Variants in PTPRD observed in about 807,000 individuals in gnomAD.
PTPRD encodes receptor-type tyrosine-protein phosphatase delta.
PTPRD carries 34 observed loss-of-function variants against 214.5 expected under a neutral mutation model. The observed-to-expected ratio is 0.16, with a 90% confidence interval of 0.12 to 0.21. PTPRD has a LOEUF of 0.21. PTPRD is among the 10% of genes least tolerant of loss of function. The pLI is 1.00. For missense variants in PTPRD, 2,545 were observed against 2,398.7 expected, an observed-to-expected ratio of 1.06 and a Z score of -1.27; for synonymous variants, 1,128 against 845.7, an observed-to-expected ratio of 1.33 and a Z score of -5.79.
intron 2 of PTPRD, among the ~76,000 whole-genome samples, chr9:10,466,932 G>C (rs2098998566): frequency 6.6e-6 from 1 of 152,142 alleles, no homozygotes; most frequent in African/African-American, 2.4e-5. Context: ...GAGAGATGTA[G>C]ATGCTGAATG....
At chr9:9,662,054 C>G (rs1387011569) in intron 7 of PTPRD, among the ~76,000 whole-genome samples, 4 of 151,518 alleles carry the variant, frequency 2.6e-5, no homozygotes, top group African/African-American at 9.7e-5. Flanking sequence ...TATATCAATG[C>G]CAAGTTTTAT....
intron 11 of PTPRD, among the ~76,000 whole-genome samples, chr9:8,943,062 T>C (rs2099043176): frequency 6.6e-6 from 1 of 151,980 alleles, no homozygotes; most frequent in Non-Finnish European, 1.5e-5. Flanking sequence ...ATAAAATATG[T>C]AGGAATTAAC....
At chr9:10,426,963 C>A (rs2098627307) in intron 2 of PTPRD, among the ~76,000 whole-genome samples, 1 of 151,830 alleles carries the variant, frequency 6.6e-6, no homozygotes, top group African/African-American at 2.4e-5. Context: ...CAAAGAGGCC[C>A]AATGTATCAA....
At chr9:8,599,645 C>T (rs7850312) in intron 14 of PTPRD, among the ~76,000 whole-genome samples, 16,326 of 65,420 alleles carry the variant, frequency 0.25, 1,843 homozygotes, top group East Asian at 0.44. Context: ...TTTTTTGAAA[C>T]GGAGTTTCAC....
At chr9:9,189,783 G>C (rs1209573108) in intron 9 of PTPRD, among the ~76,000 whole-genome samples, 1 of 151,970 alleles carries the variant, frequency 6.6e-6, no homozygotes, top group African/African-American at 2.4e-5. Context: ...TATGCACTCA[G>C]GTGGATGTGA....
At chr9:8,659,229 T>C (rs571563451) in intron 12 of PTPRD, among the ~76,000 whole-genome samples, 1 of 152,296 alleles carries the variant, frequency 6.6e-6, no homozygotes, top group African/African-American at 2.4e-5. Flanking sequence ...ATTTTTAAAA[T>C]GAATTTCTTC....
chr9:10,229,051 G>A (rs906287450), intron 3 of PTPRD, among the ~76,000 whole-genome samples: 5 of 151,866 alleles, frequency 3.3e-5, no homozygotes, highest in Admixed American at 2.0e-4. Flanking sequence ...CCAGTTGTAA[G>A]CAATGACTGT....
At chr9:8,646,531 C>T (rs1008511500) in intron 12 of PTPRD, among the ~76,000 whole-genome samples, 4 of 151,992 alleles carry the variant, frequency 2.6e-5, no homozygotes, top group Non-Finnish European at 5.9e-5. Context: ...ACAGGCTGTT[C>T]CCTCATGTAA....
At chr9:9,593,557 C>T (rs1409676167) in intron 7 of PTPRD, among the ~76,000 whole-genome samples, 2 of 151,782 alleles carry the variant, frequency 1.3e-5, no homozygotes, top group Non-Finnish European at 2.9e-5. Context: ...GAGGGAGTCA[C>T]CCCAGATTAC....
At chr9:9,404,939 C>G (rs1273687133) in intron 8 of PTPRD, among the ~76,000 whole-genome samples, 1 of 151,988 alleles carries the variant, frequency 6.6e-6, no homozygotes, top group East Asian at 1.9e-4. Flanking sequence ...TGCTTTCTGC[C>G]CCAGTGAACA....
rs549395121 is a variant in PTPRD at position 9,891,398 on chromosome 9, A to G, written c.-368+47109T>C. On this transcript the variant is annotated intron_variant, in intron 5 of 45. Transcript: ENST00000381196. ...ACTTTTTTTTTTTTTTTAGCACAGAAGTATCATTCTGCGAAAGCTGTGAGC... is the reference window on the plus strand; with the variant it reads ...ACTTTTTTTTTTTTTTTAGCACAGAGGTATCATTCTGCGAAAGCTGTGAGC... Among the ~76,000 whole-genome samples, 17 of 151,776 alleles carry G rather than the reference A, an allele frequency of 1.1e-4. No homozygotes were observed. In the South Asian group the frequency reaches 3.3e-3, roughly 30 times the overall value.
At chr9:9,623,013 G>A (rs2095300064) in intron 7 of PTPRD, among the ~76,000 whole-genome samples, 1 of 152,186 alleles carries the variant, frequency 6.6e-6, no homozygotes, top group African/African-American at 2.4e-5. Context: ...TGTGGTAATA[G>A]AAAATGTTAG....
chr9:9,460,667 A>G (rs2145865557), intron 8 of PTPRD, among the ~76,000 whole-genome samples: 1 of 152,228 alleles, frequency 6.6e-6, no homozygotes, highest in East Asian at 1.9e-4. Context: ...TAAAAAGTAA[A>G]AAATAGCATG....
intron 9 of PTPRD, among the ~76,000 whole-genome samples, chr9:9,364,967 T>C (rs1419564580): frequency 6.6e-6 from 1 of 151,472 alleles, no homozygotes; most frequent in East Asian, 2.0e-4. Flanking sequence ...GGTTAAGTTC[T>C]AGGTACATTG....
intron 9 of PTPRD, among the ~76,000 whole-genome samples, chr9:9,284,255 TAGCACCAC>T (rs1948681353): frequency 6.6e-6 from 1 of 151,700 alleles, no homozygotes; most frequent in African/African-American, 2.4e-5. Context: ...AGCTTAGCCA[TAGCACCAC>T]AGTCAAGGTA....
chr9:9,130,839 G>T (rs536954996), intron 10 of PTPRD, among the ~76,000 whole-genome samples: 1 of 152,188 alleles, frequency 6.6e-6, no homozygotes, highest in East Asian at 1.9e-4. Context: ...TTTTAGGATG[G>T]TTAGCATCGT....
At chr9:9,858,033 C>G (rs2061901272) in intron 5 of PTPRD, among the ~76,000 whole-genome samples, 2 of 152,186 alleles carry the variant, frequency 1.3e-5, no homozygotes, top group African/African-American at 4.8e-5. Flanking sequence ...AAAAGATTCA[C>G]TCCTTAACAC....
intron 3 of PTPRD, among the ~76,000 whole-genome samples, chr9:10,207,363 G>A (rs1036370893): frequency 3.3e-5 from 5 of 152,126 alleles, no homozygotes; most frequent in Non-Finnish European, 7.4e-5. Flanking sequence ...GTTCATGAGA[G>A]ACATTGGTCT....
intron 29 of PTPRD, 143 bp downstream of exon 29, chr9:8,485,084 C>A: frequency 1.5e-6 from 1 of 651,476 alleles, no homozygotes; most frequent in Non-Finnish European, 2.7e-6. Flanking sequence ...ACCAAACTGT[C>A]TCCCATGTGA....
Sources: gnomAD v4.1 joint callset for allele counts (sites outside exome capture counted in the v4.1 genomes callset) on GRCh38, gnomAD v4.1.1 for gene constraint, MANE v1.5 for transcripts, NCBI Gene and HGNC (gene_info 2026-07-23, HGNC 2026-07-21) for gene names.